The following DNAH3 variants were observed in gnomAD, a reference collection of about 807,000 sequenced individuals.
DNAH3 encodes the protein axonemal beta dynein heavy chain 3.
Under a neutral mutation model 432.5 loss-of-function variants are expected in DNAH3, and 332 were observed. The observed-to-expected ratio is 0.77, with a 90% CI of 0.70 to 0.84. DNAH3 has a LOEUF of 0.84. Ranked by LOEUF, DNAH3 falls within the 40% of genes least tolerant of loss-of-function variation. The probability of loss-of-function intolerance (pLI) is 0.00; values close to 1 mark genes in which losing one functional copy is unlikely to be tolerated. For synonymous variants in DNAH3, 1,956 were observed against 1,900.2 expected (o/e 1.03, Z -0.76); for missense variants, 4,861 against 5,114.0 (o/e 0.95, Z 1.51).
intron 59 of DNAH3, among the ~76,000 whole-genome samples, chr16:20,937,529 C>CTTTTTT (rs71377696): frequency 1.6e-5 from 2 of 121,340 alleles, no homozygotes; most frequent in Non-Finnish European, 3.4e-5. Context: ...CAAAGTTGTT[C>CTTTTTT]TTTTTTTTTT....
chr16:21,155,100 C>T (rs1178012264), intron 1 of DNAH3, among the ~76,000 whole-genome samples: 3 of 151,876 alleles, frequency 2.0e-5, no homozygotes, highest in Non-Finnish European at 2.9e-5. Context: ...CAGGCGTGTG[C>T]TAACACACCT....
intron 12 of DNAH3, among the ~76,000 whole-genome samples, 159 bp downstream of exon 12, chr16:21,117,044 A>G (rs1343741789): frequency 6.6e-6 from 1 of 152,208 alleles, no homozygotes; most frequent in African/African-American, 2.4e-5. Flanking sequence ...CCTCATTTGT[A>G]AAGTGGGAAT....
At chr16:21,005,535 C>T (rs2087254062) in intron 41 of DNAH3, among the ~76,000 whole-genome samples, 1 of 152,102 alleles carries the variant, frequency 6.6e-6, no homozygotes, top group African/African-American at 2.4e-5. Flanking sequence ...CACGCCACCG[C>T]ACCCAGCAAA....
At chr16:20,937,476 G>T (rs1322062654) in intron 59 of DNAH3, among the ~76,000 whole-genome samples, 4 of 150,894 alleles carry the variant, frequency 2.7e-5, no homozygotes, top group African/African-American at 4.9e-5. Flanking sequence ...ATATTTCTAG[G>T]TCAAAGAGCA....
At chr16:20,973,690 T>G (rs1470541664) in intron 51 of DNAH3, among the ~76,000 whole-genome samples, 1 of 152,226 alleles carries the variant, frequency 6.6e-6, no homozygotes, top group Non-Finnish European at 1.5e-5. Flanking sequence ...TGAACGTAGG[T>G]CAAGCCCTTA....
At chr16:21,055,429 C>T (rs372791103) in intron 27 of DNAH3, among the ~76,000 whole-genome samples, 6 of 152,078 alleles carry the variant, frequency 3.9e-5, no homozygotes, top group Non-Finnish European at 7.4e-5. Flanking sequence ...AGAATAAAAT[C>T]GTATCAGTGT....
At chr16:20,959,546 G>A in intron 53 of DNAH3, 142 bp from the exon 54 acceptor site, 1 of 729,470 alleles carries the variant, frequency 1.4e-6, no homozygotes, top group Admixed American at 2.8e-5. Flanking sequence ...GAGGTGGGAG[G>A]ATCACTTGAG....
intron 41 of DNAH3, among the ~76,000 whole-genome samples, chr16:21,006,657 C>T (rs1220153220): frequency 1.3e-5 from 2 of 152,090 alleles, no homozygotes; most frequent in Non-Finnish European, 2.9e-5. Context: ...TGTTCTTTTG[C>T]GACTGGCTTC....
chr16:20,981,497 G>A (rs1458563359), intron 49 of DNAH3, among the ~76,000 whole-genome samples: 1 of 152,130 alleles, frequency 6.6e-6, no homozygotes, highest in African/African-American at 2.4e-5. Context: ...ACTTTGGGAG[G>A]CCGAGGTGGG....
intron 25 of DNAH3, 114 bp downstream of exon 25, chr16:21,062,368 C>T (rs980621031): frequency 2.5e-6 from 2 of 799,060 alleles, no homozygotes; most frequent in African/African-American, 1.7e-5. Flanking sequence ...CATCGTAGAA[C>T]CCAAGTGTTC....
chr16:21,012,833 C>A (rs1225904664), intron 41 of DNAH3, among the ~76,000 whole-genome samples: 2 of 152,132 alleles, frequency 1.3e-5, no homozygotes, highest in African/African-American at 4.8e-5. Context: ...ATGATCATGG[C>A]ACACTGCAGC....
intron 41 of DNAH3, among the ~76,000 whole-genome samples, chr16:21,016,744 T>C (rs888209698): frequency 1.3e-5 from 2 of 152,114 alleles, no homozygotes; most frequent in Non-Finnish European, 2.9e-5. Flanking sequence ...AGCCAAAAGG[T>C]GCAAATAACT....
chr16:21,072,473 AG>A (rs2090825323), intron 21 of DNAH3, among the ~76,000 whole-genome samples: 1 of 151,846 alleles, frequency 6.6e-6, no homozygotes, highest in South Asian at 2.1e-4. Context: ...ATTTCAGGCA[AG>A]CACCACCACA....
chr16:21,000,663 TCA>T, intron 42 of DNAH3, 145 bp from the exon 43 acceptor site: 1 of 639,226 alleles, frequency 1.6e-6, no homozygotes, highest in Non-Finnish European at 2.6e-6. Context: ...TCCATGGGCC[TCA>T]GTTTCTTCAT....
At chr16:21,111,661 T>C (rs779678265) in exon 14 of DNAH3, 3 of 1,613,610 alleles carry the variant, frequency 1.9e-6, no homozygotes. Flanking sequence ...CCACTTGGAA[T>C]TGAATCAGAT....
intron 53 of DNAH3, among the ~76,000 whole-genome samples, chr16:20,961,353 G>A (rs891527806): frequency 4.6e-5 from 7 of 152,082 alleles, no homozygotes; most frequent in Non-Finnish European, 7.4e-5. Flanking sequence ...CGTGGGGTGC[G>A]GGGAGGGAGA....
chr16:21,032,413 G>A (rs926412506), intron 36 of DNAH3, among the ~76,000 whole-genome samples: 1 of 152,104 alleles, frequency 6.6e-6, no homozygotes, highest in African/African-American at 2.4e-5. Flanking sequence ...ACAGGCTGAT[G>A]GATGGCACAG....
At chr16:20,955,351 CA>C (rs2084514550) in intron 54 of DNAH3, among the ~76,000 whole-genome samples, 1 of 152,090 alleles carries the variant, frequency 6.6e-6, no homozygotes, top group Non-Finnish European at 1.5e-5. Context: ...CCTCTTTTAC[CA>C]GTGAGGAAGC....
At position 21,137,998 on chromosome 16, in the gene DNAH3, A is replaced by C. The variant is rs529641582; in HGVS notation, c.697-1485T>G. Among the ~76,000 whole-genome samples, 3 of 152,164 alleles carry C rather than the reference A, an allele frequency of 2.0e-5. No individual in the cohort carries two copies. The South Asian group carries it at 6.2e-4, about 32-fold the overall frequency. ...CACGGTGGCTCATGCCTGTAATCCC[A>C]GCACTTTGGGAGGCCAAGGCGGGTG... is the stretch of plus-strand genomic sequence containing the variant. On this transcript the variant is annotated intron_variant, in intron 5 of 61. Transcript: ENST00000261383.
Sources: allele counts gnomAD v4.1 joint callset (sites outside exome capture counted in the v4.1 genomes callset), GRCh38; gene constraint gnomAD v4.1.1; transcripts MANE v1.5; gene names NCBI Gene and HGNC (gene_info 2026-07-23, HGNC 2026-07-21).